The following RBFOX1 variants were observed in gnomAD, a reference collection of about 807,000 sequenced individuals.
RBFOX1 encodes RNA binding protein fox-1 homolog 1.
Under a neutral mutation model 57.7 loss-of-function variants are expected in RBFOX1, and 8 were observed. The ratio of observed to expected loss-of-function variants is 0.14; its 90% confidence interval spans 0.08 to 0.25. The LOEUF is 0.25. Among genes scored for constraint, RBFOX1 ranks in the 10% least tolerant of loss-of-function variants. The probability of loss-of-function intolerance (pLI) is 1.00; values close to 1 mark genes in which losing one functional copy is unlikely to be tolerated. For synonymous variants in RBFOX1, 326 were observed against 222.4 expected (o/e 1.47, Z -4.15); for missense variants, 611 against 548.5 (o/e 1.11, Z -1.14).
At chr16:5,779,116 A>T (rs1466323492) in intron 3 of RBFOX1, among the ~76,000 whole-genome samples, 1 of 152,186 alleles carries the variant, frequency 6.6e-6, no homozygotes, top group African/African-American at 2.4e-5. Context: ...AAATATTTTG[A>T]TGACAAGTTT....
At chr16:6,823,365 T>C (rs2063835530) in intron 3 of RBFOX1, among the ~76,000 whole-genome samples, 1 of 152,042 alleles carries the variant, frequency 6.6e-6, no homozygotes. Context: ...CAAGTGATTC[T>C]CCTGCCTCAG....
intron 4 of RBFOX1, among the ~76,000 whole-genome samples, chr16:7,427,512 C>A (rs537983882): frequency 6.6e-6 from 1 of 152,084 alleles, no homozygotes; most frequent in African/African-American, 2.4e-5. Flanking sequence ...GAAGAAAATC[C>A]CCAGTCTCTA....
At chr16:7,216,095 C>G (rs80160512) in intron 4 of RBFOX1, among the ~76,000 whole-genome samples, 1 of 151,810 alleles carries the variant, frequency 6.6e-6, no homozygotes, top group African/African-American at 2.4e-5. Context: ...TAGCATAATG[C>G]TTACGGGGTT....
chr16:5,277,091 GTA>G (rs34355548), intron 1 of RBFOX1, among the ~76,000 whole-genome samples: 30 of 151,058 alleles, frequency 2.0e-4, no homozygotes, highest in African/African-American at 6.5e-4. Context: ...TTTTTTATAT[GTA>G]TATATATATA....
intron 4 of RBFOX1, among the ~76,000 whole-genome samples, chr16:7,356,356 CAG>C (rs1364634791): frequency 6.6e-6 from 1 of 152,138 alleles, no homozygotes; most frequent in African/African-American, 2.4e-5. Context: ...GGGCCCATCA[CAG>C]AGAGGACAGT....
intron 12 of RBFOX1, among the ~76,000 whole-genome samples, chr16:7,659,514 C>T (rs992068868): frequency 1.3e-5 from 2 of 152,054 alleles, no homozygotes; most frequent in Admixed American, 1.3e-4. Flanking sequence ...TTTTGGTTTC[C>T]CTGGGACACA....
At chr16:5,953,187 C>T (rs1033027900) in intron 4 of RBFOX1, among the ~76,000 whole-genome samples, 2 of 152,086 alleles carry the variant, frequency 1.3e-5, no homozygotes, top group African/African-American at 2.4e-5. Context: ...GACCAAGTGC[C>T]CTGGGGCCAT....
At chr16:6,675,885 G>T (rs1028201300) in intron 3 of RBFOX1, among the ~76,000 whole-genome samples, 1 of 151,874 alleles carries the variant, frequency 6.6e-6, no homozygotes, top group African/African-American at 2.4e-5. Context: ...TTTGGGTGAG[G>T]ACCCAGTGAA....
intron 3 of RBFOX1, among the ~76,000 whole-genome samples, chr16:5,818,495 A>G (rs2342744): frequency 0.69 from 105,449 of 152,142 alleles, 36,649 homozygotes; most frequent in African/African-American, 0.72. Flanking sequence ...CATGTGCCAG[A>G]TACTGTGCTA....
intron 3 of RBFOX1, among the ~76,000 whole-genome samples, chr16:5,738,940 G>C (rs2052678433): frequency 6.6e-6 from 1 of 151,920 alleles, no homozygotes; most frequent in Non-Finnish European, 1.5e-5. Flanking sequence ...GGTCTACATG[G>C]ATTTTCTTCT....
chr16:7,277,036 T>C (rs560493023), intron 4 of RBFOX1, among the ~76,000 whole-genome samples: 1 of 152,344 alleles, frequency 6.6e-6, no homozygotes, highest in South Asian at 2.1e-4. Context: ...CAGAAAGAAA[T>C]GAGAATTTGT....
At chr16:6,911,358 C>T (rs1364846051) in intron 3 of RBFOX1, among the ~76,000 whole-genome samples, 1 of 152,034 alleles carries the variant, frequency 6.6e-6, no homozygotes, top group East Asian at 1.9e-4. Context: ...ATCAAGGTGT[C>T]AGGAGGGTTG....
rs531355661 is a variant in RBFOX1, at chr16:6,493,584, A to C, written c.-63-161019A>C. ...AATTGTATTTTGTGCCGAATTTCCC[A>C]CTGTGAAAGATGTTTACTATATATT... On this transcript the variant is annotated intron_variant, in intron 2 of 15. Coordinates refer to ENST00000550418, the MANE Select transcript of RBFOX1 (RefSeq NM_018723.4). 3.2e-4 allele frequency among the ~76,000 whole-genome samples: 49 copies of C among 152,334 alleles called. 2 individuals are homozygous for C. The South Asian group carries it at 0.01, about 32-fold the overall frequency.
intron 4 of RBFOX1, among the ~76,000 whole-genome samples, chr16:7,432,388 C>T (rs563249035): frequency 6.6e-6 from 1 of 152,264 alleles, no homozygotes; most frequent in East Asian, 1.9e-4. Context: ...ATCCCAATCC[C>T]AGAAGAGAAG....
intron 1 of RBFOX1, among the ~76,000 whole-genome samples, chr16:6,032,927 CAATAATAGCTT>C (rs2152392331): frequency 6.6e-6 from 1 of 150,566 alleles, no homozygotes; most frequent in East Asian, 2.0e-4. Context: ...GTTCAGGTGC[CAATAATAGCTT>C]AGGATCCAGC....
At chr16:5,430,700 T>C (rs2067705467) in intron 1 of RBFOX1, among the ~76,000 whole-genome samples, 2 of 152,246 alleles carry the variant, frequency 1.3e-5, no homozygotes, top group South Asian at 4.1e-4. Flanking sequence ...AGCAGTATTA[T>C]GTATAAACTT....
intron 1 of RBFOX1, among the ~76,000 whole-genome samples, chr16:6,157,854 T>C (rs1022809084): frequency 1.3e-5 from 2 of 152,240 alleles, no homozygotes; most frequent in Non-Finnish European, 2.9e-5. Context: ...CTATCATCTT[T>C]GTGAACTCCA....
intron 2 of RBFOX1, among the ~76,000 whole-genome samples, chr16:6,463,242 A>T (rs1185344715): frequency 1.3e-5 from 2 of 152,194 alleles, no homozygotes. Flanking sequence ...GGGTAGTCAG[A>T]TGGCCTAATG....
chr16:5,445,706 G>T (rs1238077506), intron 1 of RBFOX1, among the ~76,000 whole-genome samples: 1 of 152,178 alleles, frequency 6.6e-6, no homozygotes, highest in East Asian at 1.9e-4. Flanking sequence ...CTGTTACTCA[G>T]TGTTCACATT....
Sources: allele counts gnomAD v4.1 joint callset (sites outside exome capture counted in the v4.1 genomes callset), GRCh38; gene constraint gnomAD v4.1.1; transcripts MANE v1.5; gene names NCBI Gene and HGNC (gene_info 2026-07-23, HGNC 2026-07-21).